UNC13C: variants seen among roughly 807,000 people sequenced by gnomAD.
UNC13C encodes unc-13 homolog C.
UNC13C carries 174 observed loss-of-function variants against 245.4 expected under a neutral mutation model. The observed-to-expected ratio is 0.71, with a 90% confidence interval of 0.63 to 0.80. UNC13C has a LOEUF of 0.80. Among genes scored for constraint, UNC13C ranks in the 30% least tolerant of loss-of-function variants. The pLI is 0.00. For synonymous variants in UNC13C, 992 were observed against 895.1 expected (o/e 1.11, Z -1.93); for missense variants, 2,829 against 2,602.9 (o/e 1.09, Z -1.89).
chr15:54,259,497 A>T (rs570484790), intron 8 of UNC13C, among the ~76,000 whole-genome samples: 1 of 152,166 alleles, frequency 6.6e-6, no homozygotes, highest in African/African-American at 2.4e-5. Context: ...AAACCATCAG[A>T]TCTCATGAGA....
intron 11 of UNC13C, among the ~76,000 whole-genome samples, chr15:54,295,414 G>A (rs889849131): frequency 6.6e-6 from 1 of 152,114 alleles, no homozygotes. Context: ...TTTGGGAGGT[G>A]GAGGAGGGAG....
intron 4 of UNC13C, among the ~76,000 whole-genome samples, chr15:54,145,131 T>G (rs940764817): frequency 2.6e-5 from 4 of 151,932 alleles, no homozygotes; most frequent in African/African-American, 9.7e-5. Flanking sequence ...TATAGTGTAT[T>G]AGATGTTTTA....
intron 30 of UNC13C, among the ~76,000 whole-genome samples, chr15:54,614,584 G>GA (rs1184415502): frequency 6.6e-6 from 1 of 151,852 alleles, no homozygotes; most frequent in Non-Finnish European, 1.5e-5. Flanking sequence ...TTGAAGTTTT[G>GA]AAAATTACTT....
intron 4 of UNC13C, among the ~76,000 whole-genome samples, chr15:54,185,702 C>T (rs533081339): frequency 3.4e-5 from 5 of 147,918 alleles, no homozygotes; most frequent in African/African-American, 7.9e-5. Flanking sequence ...AGTCAGGTAG[C>T]GTGATGCCTC....
chr15:53,923,925 G>A, the UNC13C span, among the ~76,000 whole-genome samples: 2,136 of 152,344 alleles, frequency 0.014, 32 homozygotes, highest in East Asian at 0.062. Context: ...AGACAGCACG[G>A]GCTGGGCGCG....
At chr15:53,931,467 C>G in the UNC13C span, among the ~76,000 whole-genome samples, 1 of 151,964 alleles carries the variant, frequency 6.6e-6, no homozygotes, top group Non-Finnish European at 1.5e-5. Context: ...TTGCGCTTGG[C>G]CTTTTTTGGC....
At chr15:53,990,607 A>C (rs781370795) in intron 1 of UNC13C, among the ~76,000 whole-genome samples, 4 of 151,996 alleles carry the variant, frequency 2.6e-5, no homozygotes, top group Admixed American at 6.6e-5. Flanking sequence ...AAACCTAAAA[A>C]ATTTCTTTAT....
intron 13 of UNC13C, among the ~76,000 whole-genome samples, chr15:54,305,704 C>T (rs754712064): frequency 4.6e-5 from 7 of 151,908 alleles, no homozygotes; most frequent in Admixed American, 2.0e-4. Context: ...GAAGTACTTC[C>T]TCTTAATTCT....
chr15:54,063,031 T>C (rs1210696573), intron 2 of UNC13C, among the ~76,000 whole-genome samples: 1 of 152,194 alleles, frequency 6.6e-6, no homozygotes, highest in Non-Finnish European at 1.5e-5. Context: ...TGGATAATTG[T>C]AGTGGGAATA....
chr15:54,200,935 A>G (rs2034502342), intron 4 of UNC13C, among the ~76,000 whole-genome samples: 1 of 152,120 alleles, frequency 6.6e-6, no homozygotes, highest in South Asian at 2.1e-4. Context: ...AGATTAACCA[A>G]GAAAAGAGAG....
At chr15:54,604,332 TCA>T (rs1055158586) in intron 30 of UNC13C, among the ~76,000 whole-genome samples, 54 of 152,370 alleles carry the variant, frequency 3.5e-4, no homozygotes, top group East Asian at 9.6e-4. Flanking sequence ...TAGTTTACTT[TCA>T]GTTTTTCCGT....
intron 19 of UNC13C, among the ~76,000 whole-genome samples, chr15:54,448,416 T>C (rs1282035487): frequency 6.6e-6 from 1 of 152,204 alleles, no homozygotes; most frequent in African/African-American, 2.4e-5. Context: ...TCTAAGTCTC[T>C]TTGTAGGTCC....
chr15:54,163,640 A>C (rs2033058856), intron 4 of UNC13C, among the ~76,000 whole-genome samples: 1 of 152,086 alleles, frequency 6.6e-6, no homozygotes, highest in Non-Finnish European at 1.5e-5. Flanking sequence ...TTACTTCCTG[A>C]GAATTGGGAT....
chr15:54,532,221 C>T (rs574508816), intron 25 of UNC13C, among the ~76,000 whole-genome samples: 5 of 152,232 alleles, frequency 3.3e-5, no homozygotes, highest in South Asian at 4.1e-4. Flanking sequence ...TTCCCCTCCA[C>T]GTGTCCATGC....
chr15:54,052,448 G>A (rs1219694786), intron 2 of UNC13C, among the ~76,000 whole-genome samples: 10 of 151,358 alleles, frequency 6.6e-5, no homozygotes, highest in Middle Eastern at 3.4e-3. Flanking sequence ...TTTAATGATT[G>A]CCATTCTAAC....
intron 1 of UNC13C, among the ~76,000 whole-genome samples, chr15:54,006,072 C>G (rs975008083): frequency 2.0e-5 from 3 of 152,096 alleles, no homozygotes; most frequent in Admixed American, 6.6e-5. Flanking sequence ...ACTTCAGCAT[C>G]TCTGAGGCTC....
the UNC13C span, among the ~76,000 whole-genome samples, chr15:53,966,747 C>CA: frequency 0.018 from 2,738 of 152,040 alleles, 104 homozygotes; most frequent in African/African-American, 0.063. Context: ...TATGCCCTCT[C>CA]AAAACAACAT....
chr15:54,312,380 T>C (rs1221498429), intron 13 of UNC13C, among the ~76,000 whole-genome samples: 1 of 151,822 alleles, frequency 6.6e-6, no homozygotes, highest in East Asian at 1.9e-4. Context: ...TTCCACTTTC[T>C]GCCATTTCTT....
chr15:54,403,342 G>C (rs567519534), intron 18 of UNC13C, among the ~76,000 whole-genome samples: 2 of 152,158 alleles, frequency 1.3e-5, no homozygotes, highest in African/African-American at 4.8e-5. Context: ...GGAGTTCAAG[G>C]CTGAAGTGAG....
Sources: allele counts gnomAD v4.1 joint callset (sites outside exome capture counted in the v4.1 genomes callset), GRCh38; gene constraint gnomAD v4.1.1; transcripts MANE v1.5; gene names NCBI Gene and HGNC (gene_info 2026-07-23, HGNC 2026-07-21).